Variants in TENM2 observed in about 807,000 individuals in gnomAD.
The protein encoded by TENM2 is teneurin transmembrane protein 2, also known as teneurin-2.
In TENM2, 52 loss-of-function variants were observed where a neutral mutation model predicts 245.2. The observed-to-expected ratio is 0.21, with a 90% CI of 0.17 to 0.27. The LOEUF (loss-of-function observed/expected upper bound fraction) is 0.27. TENM2 is among the 10% of genes least tolerant of loss of function. The probability of loss-of-function intolerance (pLI) is 1.00; values close to 1 mark genes in which losing one functional copy is unlikely to be tolerated. For missense variants in TENM2, 3,046 were observed against 3,666.8 expected, an observed-to-expected ratio of 0.83 and a Z score of 4.37; for synonymous variants, 1,363 against 1,438.9, an observed-to-expected ratio of 0.95 and a Z score of 1.19.
chr5:167,577,897 G>A (rs1182735215), intron 2 of TENM2, among the ~76,000 whole-genome samples: 3 of 152,194 alleles, frequency 2.0e-5, no homozygotes, highest in Non-Finnish European at 2.9e-5. Context: ...CCCTCCCTTA[G>A]GAGAGCAGGG....
At chr5:167,535,213 T>C (rs769940255) in intron 2 of TENM2, among the ~76,000 whole-genome samples, 7 of 151,844 alleles carry the variant, frequency 4.6e-5, no homozygotes, top group Non-Finnish European at 1.0e-4. Context: ...TATACGACAC[T>C]CTAGCCACAC....
At chr5:167,211,252 T>C in the TENM2 span, among the ~76,000 whole-genome samples, 2 of 152,220 alleles carry the variant, frequency 1.3e-5, no homozygotes, top group Non-Finnish European at 1.5e-5. Context: ...GTCAACCTGC[T>C]AAGGTTTTAT....
chr5:168,262,776 A>G, exon 29 of TENM2: 1 of 1,608,802 alleles, frequency 6.2e-7, no homozygotes, highest in Non-Finnish European at 8.5e-7. Flanking sequence ...AGCAACATCC[A>G]GTTTTTAAGA....
intron 4 of TENM2, among the ~76,000 whole-genome samples, chr5:167,977,512 C>T (rs928876304): frequency 6.6e-6 from 1 of 152,138 alleles, no homozygotes; most frequent in Non-Finnish European, 1.5e-5. Flanking sequence ...CCCCACTAGG[C>T]TCTCCCTGAA....
rs17070023 is a variant in TENM2, at chr5:168,247,467, G to A, written c.6528G>A (p.Thr2176=). The change falls in exon 27 of 29, where the codon ACG becomes ACA. Residue 2176 remains threonine, a synonymous_variant. Coordinates refer to ENST00000518659, the Ensembl canonical transcript of TENM2. This position sits in a 1 kb window ranked among gnomAD's most constrained non-coding sequence, Gnocchi z 7.8. Reference sequence around the variant, plus strand: ...TCCGGTCCCTCATGTACTGGATGACGGTGCAATATGACAGCATGGGCAGGG... The same window carrying A: ...TCCGGTCCCTCATGTACTGGATGACAGTGCAATATGACAGCATGGGCAGGG... 153,274 of 1,612,248 alleles carry A rather than the reference G, an allele frequency of 0.095. 8,314 individuals are homozygous for A. Among genetic ancestry groups the A allele is most frequent in the South Asian group, 0.16 (14,785 of 90,926 alleles).
intron 2 of TENM2, among the ~76,000 whole-genome samples, chr5:167,417,954 G>A (rs764943891): frequency 6.6e-6 from 1 of 152,114 alleles, no homozygotes; most frequent in Non-Finnish European, 1.5e-5. Context: ...TTGTTTTACT[G>A]CATTAATTTG....
At chr5:167,417,032 A>C (rs189083606) in intron 2 of TENM2, among the ~76,000 whole-genome samples, 1 of 152,176 alleles carries the variant, frequency 6.6e-6, no homozygotes, top group South Asian at 2.1e-4. Flanking sequence ...TCTATAATCA[A>C]ATATTGTCTT....
chr5:167,398,837 A>G (rs1049450931), intron 2 of TENM2, among the ~76,000 whole-genome samples: 5 of 152,186 alleles, frequency 3.3e-5, no homozygotes, highest in African/African-American at 9.6e-5. Flanking sequence ...CGTAGTAAAC[A>G]ATTCATGCAT....
chr5:167,562,469 G>T (rs1195425447), intron 2 of TENM2, among the ~76,000 whole-genome samples: 1 of 152,168 alleles, frequency 6.6e-6, no homozygotes, highest in Non-Finnish European at 1.5e-5. Context: ...GAGTTGGTGA[G>T]GTGAAGTCAT....
At chr5:167,754,928 T>C in intron 2 of TENM2, 1 of 1,266,206 alleles carries the variant, frequency 7.9e-7, no homozygotes, top group South Asian at 1.5e-5. Flanking sequence ...GAGCAGATAT[T>C]GCCTATTATG....
intron 2 of TENM2, among the ~76,000 whole-genome samples, chr5:167,440,905 A>G (rs548567638): frequency 3.7e-4 from 56 of 152,190 alleles, no homozygotes; most frequent in African/African-American, 1.2e-3. Context: ...GTTGTATCCA[A>G]TCGGTCATTT....
chr5:167,721,851 C>A (rs915015591), intron 2 of TENM2, among the ~76,000 whole-genome samples: 1 of 152,140 alleles, frequency 6.6e-6, no homozygotes, highest in Non-Finnish European at 1.5e-5. Context: ...ATTTCCAATG[C>A]GATTTGACAG....
At chr5:167,801,853 A>C (rs1448814917) in intron 2 of TENM2, among the ~76,000 whole-genome samples, 1 of 152,086 alleles carries the variant, frequency 6.6e-6, no homozygotes, top group African/African-American at 2.4e-5. Flanking sequence ...GAGAGATCAC[A>C]GGAAGCGTCT....
the TENM2 span, among the ~76,000 whole-genome samples, chr5:167,250,105 G>A: frequency 1.3e-5 from 2 of 152,194 alleles, no homozygotes; most frequent in African/African-American, 4.8e-5. Flanking sequence ...CAATATGGCC[G>A]GTCCAAATGG....
At chr5:167,254,942 T>C in the TENM2 span, among the ~76,000 whole-genome samples, 2 of 152,062 alleles carry the variant, frequency 1.3e-5, no homozygotes, top group African/African-American at 2.4e-5. Context: ...TCAGTAAGTC[T>C]GAAGGTGTGA....
In TENM2 at chr5:168,173,030, C is replaced by T. The variant is rs566339828; in HGVS notation, c.2569+10273C>T. On this transcript the variant is annotated intron_variant, in intron 13 of 28. Transcript: ENST00000518659. The stretch of plus-strand genomic sequence containing the variant: ...ACTCACAACCAAGACCAAACCTTTC[C>T]AAGGTGATTCTCCTCCTCTGCCTGT... 5.3e-5 allele frequency among the ~76,000 whole-genome samples: 8 copies of T among 152,308 alleles called. No individual in the cohort carries two copies. The South Asian group carries it at 1.5e-3, about 28-fold the overall frequency.
At chr5:167,515,669 G>GTATATATATACATATATACGTATATA in intron 2 of TENM2, among the ~76,000 whole-genome samples, 31 of 78,814 alleles carry the variant, frequency 3.9e-4, no homozygotes, top group South Asian at 7.3e-4. Context: ...ACGTATATAT[G>GTATATATATACATATATACGTATATA]TGTATATATA....
At chr5:167,962,532 A>G (rs774570974) in intron 4 of TENM2, among the ~76,000 whole-genome samples, 2 of 152,214 alleles carry the variant, frequency 1.3e-5, no homozygotes, top group Non-Finnish European at 1.5e-5. Context: ...TGTTTTAAAT[A>G]TTATTTGTAT....
At chr5:167,235,982 A>G in the TENM2 span, among the ~76,000 whole-genome samples, 3 of 152,194 alleles carry the variant, frequency 2.0e-5, no homozygotes, top group East Asian at 1.9e-4. Flanking sequence ...TGGATAGGCA[A>G]TAATCGGTAG....
Sources: allele counts gnomAD v4.1 joint callset (sites outside exome capture counted in the v4.1 genomes callset), GRCh38; gene constraint gnomAD v4.1.1; non-coding constraint Gnocchi (gnomAD v3.1); transcripts MANE v1.5; gene names NCBI Gene and HGNC (gene_info 2026-07-23, HGNC 2026-07-21).